The following PCBP3 variants were observed in gnomAD, a reference collection of about 807,000 sequenced individuals.
PCBP3 encodes poly(rC) binding protein 3.
PCBP3 carries 25 observed loss-of-function variants against 52.7 expected under a neutral mutation model. The ratio of observed to expected loss-of-function variants is 0.47; its 90% CI spans 0.35 to 0.66. The LOEUF (loss-of-function observed/expected upper bound fraction) is 0.66. PCBP3 is among the 30% of genes least tolerant of loss of function. PCBP3 has a pLI of 0.01. For missense variants in PCBP3, 391 were observed against 490.3 expected (o/e 0.80, Z 1.91); for synonymous variants, 162 against 183.0 (o/e 0.89, Z 0.93).
chr21:45,720,226 G>A (rs747450901), intron 2 of PCBP3, among the ~76,000 whole-genome samples: 3 of 132,394 alleles, frequency 2.3e-5, no homozygotes, highest in Non-Finnish European at 4.8e-5. Flanking sequence ...CCTTACCCCC[G>A]ACCCCCTGAC....
intron 4 of PCBP3, among the ~76,000 whole-genome samples, chr21:45,812,159 T>C (rs2092702464): frequency 6.6e-6 from 1 of 152,218 alleles, no homozygotes; most frequent in Admixed American, 6.5e-5. Flanking sequence ...TGTTGCCATA[T>C]AATTAACTTC....
intron 1 of PCBP3, among the ~76,000 whole-genome samples, chr21:45,650,107 A>G (rs2079579996): frequency 1.3e-5 from 2 of 151,924 alleles, no homozygotes; most frequent in Non-Finnish European, 2.9e-5. Flanking sequence ...CTGGAGGATC[A>G]TTTGAGCGCA....
At position 45,817,410 on chromosome 21, in the gene PCBP3, A is replaced by C. The variant is rs2092997922; in HGVS notation, c.-125-32551A>C. On this transcript the variant is annotated intron_variant, in intron 4 of 17. Transcript: ENST00000681687. This position sits in a 1 kb window ranked among gnomAD's most constrained non-coding sequence, Gnocchi z 4.3. ...TGTCTCTCTCTGCCATTCCTCATGG[A>C]GTCCTTGCGTGCACAGCATAGTATT... Among the ~76,000 whole-genome samples, 1 of 152,150 alleles carries C rather than the reference A, an allele frequency of 6.6e-6. No homozygotes were observed. Among genetic ancestry groups the C allele is most frequent in the Non-Finnish European group, 1.5e-5 (1 of 68,022 alleles).
intron 1 of PCBP3, among the ~76,000 whole-genome samples, chr21:45,648,418 T>TA (rs1465906513): frequency 4.6e-5 from 7 of 152,226 alleles, no homozygotes; most frequent in Admixed American, 4.6e-4. Context: ...TGGCATCTGA[T>TA]ATTGTCTTAT....
At chr21:45,676,637 C>G (rs1426680166) in intron 2 of PCBP3, among the ~76,000 whole-genome samples, 1 of 152,204 alleles carries the variant, frequency 6.6e-6, no homozygotes, top group Admixed American at 6.5e-5. Context: ...GCCGACCATT[C>G]CATCTGTCTG....
chr21:45,705,687 G>C (rs1440876793), intron 2 of PCBP3, among the ~76,000 whole-genome samples: 1 of 152,184 alleles, frequency 6.6e-6, no homozygotes, highest in Non-Finnish European at 1.5e-5. Flanking sequence ...TCAAGTCCTG[G>C]ATAGTAAATA....
intron 2 of PCBP3, among the ~76,000 whole-genome samples, chr21:45,730,237 C>T (rs1425979491): frequency 6.6e-6 from 1 of 151,676 alleles, no homozygotes; most frequent in Non-Finnish European, 1.5e-5. Context: ...CATTTTTATT[C>T]AGGTCAAAAT....
intron 15 of PCBP3, among the ~76,000 whole-genome samples, chr21:45,931,857 C>A (rs985325512): frequency 2.0e-5 from 3 of 151,998 alleles, no homozygotes; most frequent in Admixed American, 2.0e-4. Flanking sequence ...ACACGTCGGC[C>A]ATGCCGTCCT....
chr21:45,702,153 G>A (rs1271760257), intron 2 of PCBP3, among the ~76,000 whole-genome samples: 1 of 152,170 alleles, frequency 6.6e-6, no homozygotes, highest in East Asian at 1.9e-4. Flanking sequence ...TTTCTTAAAG[G>A]TTAGTTGCAA....
At chr21:45,807,242 C>A (rs1295426327) in intron 4 of PCBP3, among the ~76,000 whole-genome samples, 3 of 152,190 alleles carry the variant, frequency 2.0e-5, no homozygotes, top group African/African-American at 7.2e-5. Context: ...GAAAGGAAGT[C>A]AAATTGTCTC....
chr21:45,935,575 T>G, intron 16 of PCBP3: 3 of 569,476 alleles, frequency 5.3e-6, no homozygotes, highest in Non-Finnish European at 9.9e-6. Context: ...AGATGAGAGT[T>G]GGGCTGAGAA....
rs946696797 is a variant in PCBP3, at chr21:45,817,618, C to T, written c.-125-32343C>T. Among the ~76,000 whole-genome samples the T allele has an allele frequency of 5.3e-5, 8 of 152,196 alleles. No individual in the cohort carries two copies. The highest frequency in any genetic ancestry group is 1.9e-4 in the East Asian group (1 of 5,194). On this transcript the variant is annotated intron_variant, in intron 4 of 17. Transcript: ENST00000681687. The surrounding 1 kb of genome is among the most constrained non-coding windows in gnomAD (Gnocchi z 4.3). The stretch of plus-strand genomic sequence containing the variant: ...CCGTGAGCAGCAACTTGACAGTGGA[C>T]GCAGCTAGAAAGCAGCCGGCGAGGA...
At chr21:45,921,524 T>C (rs982108195) in intron 13 of PCBP3, among the ~76,000 whole-genome samples, 1 of 152,254 alleles carries the variant, frequency 6.6e-6, no homozygotes, top group Admixed American at 6.5e-5. Context: ...GGGCTGGGCA[T>C]GGTGGCTCAG....
intron 2 of PCBP3, among the ~76,000 whole-genome samples, chr21:45,700,145 A>G (rs2083026354): frequency 6.6e-6 from 1 of 152,314 alleles, no homozygotes; most frequent in Non-Finnish European, 1.5e-5. Flanking sequence ...CAATAGCAGG[A>G]AAAGCTCCCT....
chr21:45,767,305 A>G (rs906625938), intron 4 of PCBP3, among the ~76,000 whole-genome samples: 4 of 152,082 alleles, frequency 2.6e-5, no homozygotes, highest in African/African-American at 9.7e-5. Flanking sequence ...ATGGAACCAC[A>G]CAGCGTCTGG....
intron 6 of PCBP3, among the ~76,000 whole-genome samples, chr21:45,898,020 C>G (rs1442302663): frequency 2.6e-5 from 4 of 152,182 alleles, no homozygotes; most frequent in African/African-American, 9.7e-5. Flanking sequence ...TCCTAGATTT[C>G]CGGGAAGACA....
At chr21:45,792,613 G>C (rs1337645662) in intron 4 of PCBP3, among the ~76,000 whole-genome samples, 1 of 152,236 alleles carries the variant, frequency 6.6e-6, no homozygotes, top group East Asian at 1.9e-4. Context: ...TTCATGATGT[G>C]CTAGGAGACA....
At chr21:45,839,887 A>G (rs2093663249) in intron 4 of PCBP3, among the ~76,000 whole-genome samples, 1 of 152,002 alleles carries the variant, frequency 6.6e-6, no homozygotes, top group South Asian at 2.1e-4. Flanking sequence ...GGGTTTCACC[A>G]TGTTGGTCAG....
chr21:45,793,924 A>G (rs536351751), intron 4 of PCBP3, among the ~76,000 whole-genome samples: 26 of 152,182 alleles, frequency 1.7e-4, no homozygotes, highest in African/African-American at 6.0e-4. Context: ...TGACAAAACT[A>G]AAAAAAAGAC....
Sources: allele counts gnomAD v4.1 joint callset (sites outside exome capture counted in the v4.1 genomes callset), GRCh38; gene constraint gnomAD v4.1.1; non-coding constraint Gnocchi (gnomAD v3.1); transcripts MANE v1.5; gene names NCBI Gene and HGNC (gene_info 2026-07-23, HGNC 2026-07-21).